Variants in DTNB observed in about 807,000 individuals in gnomAD.
The protein encoded by DTNB is DTN-B.
A neutral mutation model predicts 90.7 loss-of-function variants in DTNB; 63 were observed. The ratio of observed to expected loss-of-function variants is 0.69; its 90% confidence interval spans 0.57 to 0.86. The LOEUF (loss-of-function observed/expected upper bound fraction) is 0.86. DTNB is among the 40% of genes least tolerant of loss of function. The pLI is 0.00. For missense variants in DTNB, 744 were observed against 807.1 expected (o/e 0.92, Z 0.95); for synonymous variants, 277 against 286.7 (o/e 0.97, Z 0.34).
chr2:25,473,298 C>T (rs2063152946), intron 10 of DTNB, among the ~76,000 whole-genome samples: 1 of 152,208 alleles, frequency 6.6e-6, no homozygotes, highest in Non-Finnish European at 1.5e-5. Context: ...TAGGTCTAGG[C>T]TGGATCAGCA....
chr2:25,616,931 CAAAAAAAAA>C (rs70947896), intron 4 of DTNB, among the ~76,000 whole-genome samples: 2 of 70,550 alleles, frequency 2.8e-5, no homozygotes, highest in Non-Finnish European at 2.5e-5. Context: ...GACCCCGTCT[CAAAAAAAAA>C]AAAAAAAAAA....
intron 9 of DTNB, among the ~76,000 whole-genome samples, chr2:25,530,726 G>A (rs2078008395): frequency 6.6e-6 from 1 of 152,122 alleles, no homozygotes; most frequent in South Asian, 2.1e-4. Flanking sequence ...CTTCCATCAG[G>A]GAGGTGAAAG....
intron 3 of DTNB, among the ~76,000 whole-genome samples, chr2:25,630,615 C>T (rs955691734): frequency 3.3e-5 from 5 of 151,942 alleles, no homozygotes; most frequent in African/African-American, 7.3e-5. Context: ...GAGGCCGAGG[C>T]GGGTGGATCA....
intron 8 of DTNB, among the ~76,000 whole-genome samples, chr2:25,572,960 G>C (rs1010190330): frequency 6.7e-6 from 1 of 150,260 alleles, no homozygotes; most frequent in African/African-American, 2.5e-5. Context: ...TTTTTTTTGA[G>C]ATGGAGTTTC....
At chr2:25,458,200 G>A (rs978216162) in intron 10 of DTNB, among the ~76,000 whole-genome samples, 14 of 151,962 alleles carry the variant, frequency 9.2e-5, no homozygotes, top group Admixed American at 3.3e-4. Context: ...AATTTTTTCC[G>A]AAATAGATGA....
chr2:25,614,293 C>T (rs888625169), intron 4 of DTNB, among the ~76,000 whole-genome samples: 1 of 152,146 alleles, frequency 6.6e-6, no homozygotes, highest in Non-Finnish European at 1.5e-5. Context: ...CTGCTCCCAC[C>T]ACTCCTTGTC....
chr2:25,402,061 C>G (rs976363244), intron 16 of DTNB, among the ~76,000 whole-genome samples: 8 of 152,178 alleles, frequency 5.3e-5, no homozygotes, highest in African/African-American at 1.9e-4. Flanking sequence ...TAGAGAACAG[C>G]CTTTGTCCAT....
chr2:25,668,219 A>T (rs1209976613), intron 1 of DTNB, among the ~76,000 whole-genome samples: 1 of 152,216 alleles, frequency 6.6e-6, no homozygotes, highest in Non-Finnish European at 1.5e-5. Context: ...AGCCTGGGCC[A>T]CAGAGTGAGA....
intron 15 of DTNB, 39 bp downstream of exon 15, chr2:25,427,496 A>G (rs1389799425): frequency 1.9e-6 from 3 of 1,599,700 alleles, no homozygotes; most frequent in Non-Finnish European, 1.7e-6. Flanking sequence ...GTGGTGGGAG[A>G]AGAATGACAA....
intron 4 of DTNB, among the ~76,000 whole-genome samples, chr2:25,621,661 TAGTC>T (rs773157040): frequency 1.0e-3 from 151 of 148,424 alleles, no homozygotes; most frequent in Non-Finnish European, 1.9e-3. Context: ...TTCTCCATGT[TAGTC>T]AGGCTGGTCT....
At chr2:25,407,232 C>T (rs1313646279) in intron 16 of DTNB, among the ~76,000 whole-genome samples, 5 of 152,152 alleles carry the variant, frequency 3.3e-5, no homozygotes, top group African/African-American at 1.2e-4. Context: ...TACCACCTTA[C>T]CCCTGCAAGA....
intron 9 of DTNB, among the ~76,000 whole-genome samples, chr2:25,528,851 T>C (rs1318633997): frequency 3.9e-5 from 6 of 152,178 alleles, no homozygotes; most frequent in Admixed American, 3.3e-4. Context: ...ATATAAAGAC[T>C]TTCCTGGGGA....
At chr2:25,503,316 C>G (rs955994062) in intron 9 of DTNB, among the ~76,000 whole-genome samples, 2 of 151,768 alleles carry the variant, frequency 1.3e-5, no homozygotes, top group African/African-American at 4.8e-5. Context: ...TAGAGAGACT[C>G]TCTCCCTCCA....
intron 9 of DTNB, among the ~76,000 whole-genome samples, chr2:25,523,825 A>T (rs1477273335): frequency 1.3e-5 from 2 of 151,774 alleles, no homozygotes; most frequent in African/African-American, 4.8e-5. Flanking sequence ...CTTTTTCAAA[A>T]GGTGGATTCT....
chr2:25,600,414 T>C (rs1357077209), intron 5 of DTNB, among the ~76,000 whole-genome samples: 1 of 152,224 alleles, frequency 6.6e-6, no homozygotes, highest in Admixed American at 6.5e-5. Flanking sequence ...CAAACATCTT[T>C]TGATCCTAAG....
intron 11 of DTNB, 73 bp downstream of exon 11, chr2:25,455,332 C>T: frequency 7.1e-7 from 1 of 1,406,748 alleles, no homozygotes; most frequent in African/African-American, 1.5e-5. Flanking sequence ...TTCCAGCTGA[C>T]AACCCCAGGT....
At chr2:25,384,719 C>G (rs2038971447) in intron 18 of DTNB, among the ~76,000 whole-genome samples, 1 of 152,182 alleles carries the variant, frequency 6.6e-6, no homozygotes, top group South Asian at 2.1e-4. Context: ...AGGGATAAAT[C>G]AGTTACAGAA....
At chr2:25,611,306 G>A (rs954600642) in intron 4 of DTNB, among the ~76,000 whole-genome samples, 2 of 152,036 alleles carry the variant, frequency 1.3e-5, no homozygotes. Flanking sequence ...TATACTATAG[G>A]TACAAATAAA....
At chr2:25,498,547 A>C (rs1161815609) in intron 9 of DTNB, among the ~76,000 whole-genome samples, 1 of 152,178 alleles carries the variant, frequency 6.6e-6, no homozygotes, top group Non-Finnish European at 1.5e-5. Flanking sequence ...ATAATGGGTA[A>C]AATTAATTAC....
Sources: gnomAD v4.1 joint callset for allele counts (sites outside exome capture counted in the v4.1 genomes callset) on GRCh38, gnomAD v4.1.1 for gene constraint, MANE v1.5 for transcripts, NCBI Gene and HGNC (gene_info 2026-07-23, HGNC 2026-07-21) for gene names.